The following CATSPERE variants were observed in gnomAD, a reference collection of about 807,000 sequenced individuals.
CATSPERE encodes the protein cation channel sperm-associated auxiliary subunit epsilon.
Under a neutral mutation model 114.1 loss-of-function variants are expected in CATSPERE, and 93 were observed. The ratio of observed to expected loss-of-function variants is 0.81; its 90% CI spans 0.69 to 0.97. The LOEUF is 0.97. Ranked by LOEUF, CATSPERE falls within the 50% of genes least tolerant of loss-of-function variation. The pLI is 0.00. For synonymous variants in CATSPERE, 341 were observed against 384.1 expected, an observed-to-expected ratio of 0.89 and a Z score of 1.31; for missense variants, 1,058 against 1,131.6, an observed-to-expected ratio of 0.93 and a Z score of 0.93.
chr1:244,557,532 C>CATATATAT (rs61291602), intron 9 of CATSPERE, among the ~76,000 whole-genome samples: 689 of 40,358 alleles, frequency 0.017, 81 homozygotes, highest in Middle Eastern at 0.028. Flanking sequence ...TTGAAATATT[C>CATATATAT]ATATATATAT....
chr1:244,640,230 G>T lies in CATSPERE; in HGVS notation c.*149G>T. Reference sequence around the variant, plus strand: ...AATTCAAGATCTGAAAAATATTCTTGAACTATCTCCAAAATAGAAATGTTT... The same window carrying T: ...AATTCAAGATCTGAAAAATATTCTTTAACTATCTCCAAAATAGAAATGTTT... On this transcript the variant is annotated 3_prime_UTR_variant, in exon 22 of 22. Coordinates refer to ENST00000366534, the MANE Select transcript of CATSPERE (RefSeq NM_001130957.2). 3 of 564,840 alleles carry T rather than the reference G, an allele frequency of 5.3e-6. No individual in the cohort carries two copies. Among genetic ancestry groups the T allele is most frequent in the South Asian group, 2.6e-5 (1 of 37,950 alleles). The allele number at this position is 564,840 out of a possible 1,614,324, so 35.0% of individuals were successfully genotyped here.
intron 11 of CATSPERE, among the ~76,000 whole-genome samples, chr1:244,578,932 C>G (rs1360308249): frequency 6.7e-6 from 1 of 149,494 alleles, no homozygotes; most frequent in Non-Finnish European, 1.5e-5. Context: ...TTTTCCCTCT[C>G]GTTCAACATT....
intron 5 of CATSPERE, among the ~76,000 whole-genome samples, chr1:244,487,310 A>G (rs1671256819): frequency 6.6e-6 from 1 of 152,096 alleles, no homozygotes; most frequent in African/African-American, 2.4e-5. Flanking sequence ...GTGGTTCAAC[A>G]TGTGCACAGC....
chr1:244,516,428 G>T (rs1676630327), intron 7 of CATSPERE, among the ~76,000 whole-genome samples: 1 of 151,968 alleles, frequency 6.6e-6, no homozygotes, highest in African/African-American at 2.4e-5. Context: ...GCTCACTGTA[G>T]CCTCAAACTC....
rs561170262 is a variant in CATSPERE, at chr1:244,479,767, G to C, written c.309G>C (p.Leu103=). Residue 103 remains leucine, a synonymous_variant, in exon 5 of 22, where the codon CTG becomes CTC. Transcript: ENST00000366534. ...TGGAAAGTTCTCATACTTGCTTTCT[G>C]TGGTACTATAGAGTTAGGTAAGTAA... ...LFVESSHTCF[L]WYYRVRHFFN... is the part of the protein sequence containing the mutation. 4 of 1,594,520 alleles carry C rather than the reference G, an allele frequency of 2.5e-6. No homozygotes were observed. In the East Asian group the frequency reaches 9.1e-5, roughly 36 times the overall value.
intron 18 of CATSPERE, among the ~76,000 whole-genome samples, chr1:244,609,019 C>G (rs935972767): frequency 2.0e-5 from 3 of 151,956 alleles, no homozygotes; most frequent in Non-Finnish European, 4.4e-5. Flanking sequence ...AACCCTGTCT[C>G]TACTAAAAAT....
chr1:244,472,219 T>A (rs1668589548), intron 2 of CATSPERE, among the ~76,000 whole-genome samples: 1 of 152,150 alleles, frequency 6.6e-6, no homozygotes, highest in Non-Finnish European at 1.5e-5. Flanking sequence ...TCTCAGCCTC[T>A]GAAAGTGCTA....
intron 8 of CATSPERE, among the ~76,000 whole-genome samples, chr1:244,520,206 T>C (rs1677292806): frequency 6.6e-6 from 1 of 152,164 alleles, no homozygotes; most frequent in Non-Finnish European, 1.5e-5. Context: ...AAGGAAACCA[T>C]TGCCAAATCC....
intron 5 of CATSPERE, among the ~76,000 whole-genome samples, chr1:244,485,702 GT>G (rs201235266): frequency 0.15 from 20,320 of 137,280 alleles, 1,434 homozygotes; most frequent in East Asian, 0.22. Context: ...TGTTTTTTTT[GT>G]TTTTTTTTTT....
At chr1:244,600,698 C>T (rs1047436385) in intron 17 of CATSPERE, among the ~76,000 whole-genome samples, 1 of 152,038 alleles carries the variant, frequency 6.6e-6, no homozygotes, top group Non-Finnish European at 1.5e-5. Flanking sequence ...ATCAAAGAAT[C>T]GATCAAATCC....
intron 20 of CATSPERE, among the ~76,000 whole-genome samples, chr1:244,625,424 A>C (rs376206181): frequency 2.0e-3 from 8 of 3,952 alleles, no homozygotes; most frequent in Admixed American, 5.2e-3. Flanking sequence ...ATATATATAT[A>C]TATATATATT....
chr1:244,493,227 G>A (rs1241066612), intron 6 of CATSPERE, among the ~76,000 whole-genome samples: 10 of 152,156 alleles, frequency 6.6e-5, no homozygotes. Flanking sequence ...AACCAAAACA[G>A]CATGGTACTG....
intron 17 of CATSPERE, among the ~76,000 whole-genome samples, chr1:244,604,970 T>A (rs1234486310): frequency 6.6e-6 from 1 of 152,212 alleles, no homozygotes; most frequent in Non-Finnish European, 1.5e-5. Context: ...TGCTGGTGTC[T>A]GCTGTTGGTA....
chr1:244,454,377 G>A (rs528801578), exon 1 of CATSPERE: 1 of 152,302 alleles, frequency 6.6e-6, no homozygotes, highest in African/African-American at 2.4e-5. Context: ...TTTGTTATGT[G>A]TGTTTTGCTG....
chr1:244,619,491 TTCCAC>T (rs1443051161), intron 20 of CATSPERE, among the ~76,000 whole-genome samples: 1 of 152,214 alleles, frequency 6.6e-6, no homozygotes, highest in Non-Finnish European at 1.5e-5. Flanking sequence ...AACTGGTTAT[TTCCAC>T]TATTAGCCCC....
rs146043079 is a variant in CATSPERE, at chr1:244,507,479, TTTTAA to T, written c.429+8407_429+8411del. Among the ~76,000 whole-genome samples the T allele has an allele frequency of 4.8e-3, 724 of 152,332 alleles. 6 individuals carry two copies. Among genetic ancestry groups the T allele is most frequent in the African/African-American group, 0.017 (691 of 41,566 alleles). ...TTGTTTCCTTTGCTGTGTAGAAGCTTTTTAATTTAATAAAGTCCCATTTGTCTATT... is the reference window on the plus strand; with the variant it reads ...TTGTTTCCTTTGCTGTGTAGAAGCTTTTTAATAAAGTCCCATTTGTCTATT... On this transcript the variant is annotated intron_variant, in intron 7 of 21. Transcript: ENST00000366534.
intron 8 of CATSPERE, among the ~76,000 whole-genome samples, chr1:244,538,783 G>T (rs1467581759): frequency 1.3e-5 from 2 of 152,112 alleles, no homozygotes; most frequent in African/African-American, 2.4e-5. Context: ...GCTTAGTCGT[G>T]TCTCACCCCA....
chr1:244,503,463 A>T (rs971876662), intron 7 of CATSPERE, among the ~76,000 whole-genome samples: 2 of 152,038 alleles, frequency 1.3e-5, no homozygotes, highest in African/African-American at 4.8e-5. Context: ...CATATATTAG[A>T]CCCATCTGAT....
At chr1:244,478,005 T>A in intron 4 of CATSPERE, 30 bp downstream of exon 4, 1 of 1,424,846 alleles carries the variant, frequency 7.0e-7, no homozygotes, top group Non-Finnish European at 9.9e-7. Flanking sequence ...TGTTATTAAA[T>A]CTTGAATAAT....
Sources: gnomAD v4.1 joint callset for allele counts (sites outside exome capture counted in the v4.1 genomes callset) on GRCh38, gnomAD v4.1.1 for gene constraint, MANE v1.5 for transcripts, NCBI Gene and HGNC (gene_info 2026-07-23, HGNC 2026-07-21) for gene names.